The following CLNK variants were observed in gnomAD, a reference collection of about 807,000 sequenced individuals.
CLNK encodes cytokine dependent hematopoietic cell linker.
A neutral mutation model predicts 68.6 loss-of-function variants in CLNK; 74 were observed. The observed-to-expected ratio is 1.08, with a 90% CI of 0.89 to 1.31. The LOEUF (loss-of-function observed/expected upper bound fraction) is 1.31, where lower values mean the gene tolerates loss of function less well. Ranked by LOEUF, CLNK falls within the 50% of genes most tolerant of loss-of-function variation. The pLI, the probability that CLNK is intolerant of heterozygous loss-of-function variation, is 0.00. For synonymous variants in CLNK, 198 were observed against 172.2 expected (o/e 1.15, Z -1.17); for missense variants, 553 against 515.3 (o/e 1.07, Z -0.71).
the CLNK span, among the ~76,000 whole-genome samples, chr4:10,714,757 A>C: frequency 6.6e-6 from 1 of 151,840 alleles, no homozygotes; most frequent in Admixed American, 6.6e-5. Context: ...ACTTTAAGTT[A>C]AATATTGCAA....
At chr4:10,529,177 G>C (rs1451742879) in intron 12 of CLNK, among the ~76,000 whole-genome samples, 1 of 152,174 alleles carries the variant, frequency 6.6e-6, no homozygotes, top group African/African-American at 2.4e-5. Flanking sequence ...ATCATTGAAT[G>C]GCCTGATGGG....
Position 10,537,709 on chromosome 4 carries a change from T to TCC in CLNK, c.602+2784_602+2785insGG, listed in dbSNP as rs57351012. ...TTCCTTCCTTCCTTCCTTCCTTCCT[T>TCC]TCTTTCTTTCTTTCTTTCTTTCTTT... On this transcript the variant is annotated intron_variant, in intron 11 of 18. Transcript: ENST00000226951. 6.6e-4 allele frequency among the ~76,000 whole-genome samples: 67 copies of TCC among 101,008 alleles called. 1 individual carries two copies. The highest frequency in any genetic ancestry group is 1.2e-3 in the African/African-American group (31 of 25,862). The allele number at this position is 101,008 out of a possible 152,430, so 66.3% of individuals were successfully genotyped here. A position where few individuals can be genotyped will look rare whatever the true frequency, so the allele number is the denominator to read the frequency against.
chr4:10,506,154 A>G (rs550659307), intron 17 of CLNK, among the ~76,000 whole-genome samples: 1 of 151,898 alleles, frequency 6.6e-6, no homozygotes, highest in African/African-American at 2.4e-5. Flanking sequence ...GCTCTTTGGG[A>G]TGTTGGTTGT....
Position 10,550,228 on chromosome 4 carries a change from T to A in CLNK, c.446-7948A>T, listed in dbSNP as rs549548282. 5.3e-5 allele frequency among the ~76,000 whole-genome samples: 8 copies of A among 152,298 alleles called. No homozygotes were observed. In the East Asian group the frequency reaches 1.5e-3, roughly 29 times the overall value. On this transcript the variant is annotated intron_variant, in intron 8 of 18. Coordinates refer to ENST00000226951, the MANE Select transcript of CLNK (RefSeq NM_052964.4). ...CATTACATAGGCCAGGCGCGGTGGC[T>A]CAAGCCTGTAATCCCAGCACTTTGG...
Position 10,554,162 on chromosome 4 carries a change from G to A in CLNK, c.445+4245C>T, listed in dbSNP as rs141705427. The stretch of plus-strand genomic sequence containing the variant: ...CTCTGTTTTTAATTTAGAATGTCCT[G>A]CTTCTGAAGAACCCCTCCATCCAGA... On this transcript the variant is annotated intron_variant, in intron 8 of 18. Transcript: ENST00000226951. Among the ~76,000 whole-genome samples, 3 of 152,316 alleles carry A rather than the reference G, an allele frequency of 2.0e-5. No individual in the cohort carries two copies. The East Asian group carries it at 5.8e-4, about 29-fold the overall frequency.
Position 10,537,639 on chromosome 4 carries a change from CTTTCTTTCTTT to C in CLNK, c.602+2844_602+2854del, listed in dbSNP as rs1209710902. ...TCTCTCTCTTTCTTTCTTTCTTTCTCTTTCTTTCTTTCTTTCTTTCTTTCTTTCTTTCTTTC... is the reference window on the plus strand; with the variant it reads ...TCTCTCTCTTTCTTTCTTTCTTTCTCCTTTCTTTCTTTCTTTCTTTCTTTC... On this transcript the variant is annotated intron_variant, in intron 11 of 18. Transcript: ENST00000226951. 4.0e-3 allele frequency among the ~76,000 whole-genome samples: 254 copies of C among 62,728 alleles called. 13 individuals are homozygous for C. The highest frequency in any genetic ancestry group is 9.5e-3 in the African/African-American group (148 of 15,592). 41.2% of individuals were successfully genotyped at this position (62,728 alleles called of 152,430 possible).
At chr4:10,729,076 A>G in the CLNK span, among the ~76,000 whole-genome samples, 8 of 152,166 alleles carry the variant, frequency 5.3e-5, no homozygotes, top group Non-Finnish European at 1.2e-4. Flanking sequence ...TCCTGATAAT[A>G]TATAATCCTT....
chr4:10,733,334 C>A, the CLNK span, among the ~76,000 whole-genome samples: 2 of 152,160 alleles, frequency 1.3e-5, no homozygotes, highest in Admixed American at 6.5e-5. Flanking sequence ...CACCTTCCCC[C>A]CTTCACTGCC....
At chr4:10,610,266 G>T (rs1305955577) in intron 2 of CLNK, among the ~76,000 whole-genome samples, 25 of 148,880 alleles carry the variant, frequency 1.7e-4, no homozygotes, top group Admixed American at 3.3e-4. Flanking sequence ...CCGTGGTCTC[G>T]ATCTCCTGAC....
intron 7 of CLNK, among the ~76,000 whole-genome samples, 174 bp from the exon 8 acceptor site, chr4:10,558,626 C>T (rs889860792): frequency 9.2e-5 from 14 of 152,222 alleles, no homozygotes; most frequent in Admixed American, 8.5e-4. Flanking sequence ...TGCACCTCTG[C>T]CAATGAAGGG....
chr4:10,685,804 T>C (rs190046004), upstream of CLNK, among the ~76,000 whole-genome samples: 86 of 152,290 alleles, frequency 5.6e-4, no homozygotes, highest in African/African-American at 1.8e-3. Context: ...AAGGAACATA[T>C]GTAAAATCCC....
At chr4:10,567,131 GAAAAA>G (rs61037076) in intron 5 of CLNK, among the ~76,000 whole-genome samples, 20 of 110,552 alleles carry the variant, frequency 1.8e-4, no homozygotes, top group African/African-American at 1.4e-4. Context: ...ACAATCTTGG[GAAAAA>G]AAAAAAAAAA....
rs531376334 is a variant in CLNK, at chr4:10,672,574, G to A, written c.-42-4663C>T. 2.0e-5 allele frequency among the ~76,000 whole-genome samples: 3 copies of A among 152,234 alleles called. No homozygotes were observed. In the East Asian group the frequency reaches 5.8e-4, roughly 29 times the overall value. ...TGGCACTTAGTTAGAAATGAAAGAT[G>A]CTTAGGTAAGCATTTTTAGGTAAGC... On this transcript the variant is annotated intron_variant, in intron 1 of 18. Coordinates refer to ENST00000226951, the MANE Select transcript of CLNK (RefSeq NM_052964.4).
At chr4:10,644,315 T>A (rs899047116) in intron 2 of CLNK, among the ~76,000 whole-genome samples, 3 of 152,232 alleles carry the variant, frequency 2.0e-5, no homozygotes, top group Admixed American at 2.0e-4. Flanking sequence ...ACTGCTCATA[T>A]TTATTTAGGT....
At chr4:10,727,441 G>A in the CLNK span, among the ~76,000 whole-genome samples, 1 of 152,204 alleles carries the variant, frequency 6.6e-6, no homozygotes, top group Non-Finnish European at 1.5e-5. Flanking sequence ...TGTGTTAATG[G>A]TGGAATTGGA....
chr4:10,732,622 C>T, the CLNK span, among the ~76,000 whole-genome samples: 1 of 151,518 alleles, frequency 6.6e-6, no homozygotes, highest in African/African-American at 2.4e-5. Context: ...CAATCAAAGA[C>T]TAAACTTGTA....
chr4:10,495,826 G>T (rs1455578942), intron 18 of CLNK, among the ~76,000 whole-genome samples: 1 of 73,288 alleles, frequency 1.4e-5, no homozygotes, highest in Non-Finnish European at 2.6e-5. Flanking sequence ...CGTGACCATA[G>T]AGAGAGAGAG....
At chr4:10,727,921 T>A in the CLNK span, among the ~76,000 whole-genome samples, 1 of 152,050 alleles carries the variant, frequency 6.6e-6, no homozygotes, top group African/African-American at 2.4e-5. Flanking sequence ...GGCTTAGCAA[T>A]TTTTTTTAAC....
chr4:10,597,692 T>G, intron 3 of CLNK, among the ~76,000 whole-genome samples: 1 of 152,160 alleles, frequency 6.6e-6, no homozygotes, highest in East Asian at 1.9e-4. Context: ...TCTCCATCAC[T>G]GGCTCTCTCT....
Sources: allele counts gnomAD v4.1 joint callset (sites outside exome capture counted in the v4.1 genomes callset), GRCh38; gene constraint gnomAD v4.1.1; transcripts MANE v1.5; gene names NCBI Gene and HGNC (gene_info 2026-07-23, HGNC 2026-07-21).